The following SRPK2 variants were observed in gnomAD, a reference collection of about 807,000 sequenced individuals.
SRPK2 encodes the protein SFRS protein kinase 2.
A neutral mutation model predicts 90.8 loss-of-function variants in SRPK2; 21 were observed. That is an observed-to-expected ratio of 0.23 (90% CI 0.16 to 0.33). The LOEUF (loss-of-function observed/expected upper bound fraction) is 0.33, where lower values mean the gene tolerates loss of function less well. Among genes scored for constraint, SRPK2 ranks in the 10% least tolerant of loss-of-function variants. SRPK2 has a pLI of 1.00. For synonymous variants in SRPK2, 288 were observed against 311.1 expected (o/e 0.93, Z 0.78); for missense variants, 620 against 869.0 (o/e 0.71, Z 3.60).
At chr7:105,364,858 A>G (rs1238606661) in intron 2 of SRPK2, among the ~76,000 whole-genome samples, 1 of 152,134 alleles carries the variant, frequency 6.6e-6, no homozygotes, top group Non-Finnish European at 1.5e-5. Flanking sequence ...TTAAAAGGCA[A>G]TCTCTCACTG....
chr7:105,175,093 T>C (rs1482671535), intron 3 of SRPK2, among the ~76,000 whole-genome samples: 2 of 150,168 alleles, frequency 1.3e-5, no homozygotes, highest in Middle Eastern at 3.4e-3. Flanking sequence ...GGAGTCGAGA[T>C]CACACCACTG....
intron 2 of SRPK2, among the ~76,000 whole-genome samples, chr7:105,330,338 A>AAAAT (rs1033382890): frequency 5.3e-5 from 8 of 151,786 alleles, no homozygotes; most frequent in South Asian, 2.1e-4. Context: ...CTCTGTCTCA[A>AAAAT]AAATAAATAA....
At chr7:105,379,483 T>C (rs1329320748) in intron 2 of SRPK2, among the ~76,000 whole-genome samples, 1 of 152,152 alleles carries the variant, frequency 6.6e-6, no homozygotes, top group Non-Finnish European at 1.5e-5. Flanking sequence ...TATGATTTCA[T>C]TTATATGAAA....
intron 2 of SRPK2, among the ~76,000 whole-genome samples, chr7:105,344,052 C>T (rs970241144): frequency 2.0e-5 from 3 of 152,170 alleles, no homozygotes; most frequent in African/African-American, 7.2e-5. Flanking sequence ...GTGCGAGCGA[C>T]CACGCCTGGC....
At chr7:105,214,144 T>C (rs1797172192) in intron 2 of SRPK2, among the ~76,000 whole-genome samples, 1 of 152,232 alleles carries the variant, frequency 6.6e-6, no homozygotes, top group Admixed American at 6.5e-5. Context: ...GCAGTGCAGA[T>C]ATAGAACATT....
At chr7:105,384,849 C>G (rs1171311035) in intron 2 of SRPK2, among the ~76,000 whole-genome samples, 1 of 152,012 alleles carries the variant, frequency 6.6e-6, no homozygotes, top group Non-Finnish European at 1.5e-5. Flanking sequence ...ACTACTACCC[C>G]CATCCCCACA....
intron 2 of SRPK2, among the ~76,000 whole-genome samples, chr7:105,374,169 T>C (rs985965223): frequency 3.9e-5 from 6 of 151,906 alleles, no homozygotes; most frequent in South Asian, 4.2e-4. Flanking sequence ...TCAAGTGATC[T>C]GCCCACCTTG....
intron 2 of SRPK2, among the ~76,000 whole-genome samples, chr7:105,235,043 G>A (rs774290562): frequency 1.3e-5 from 2 of 151,022 alleles, no homozygotes; most frequent in Non-Finnish European, 2.9e-5. Flanking sequence ...TAGTGTTAGC[G>A]TATCTTATGT....
Position 105,328,561 on chromosome 7 carries a change from CA to C in SRPK2, c.71+60086del, listed in dbSNP as rs1192103331. ...TCAGTGACAGAGCCAGGCTCTGTCT[CA>C]AAAAAAAAAAAAAAAAAAAAGGCCA... On this transcript the variant is annotated intron_variant, in intron 2 of 15. Coordinates refer to ENST00000393651, the MANE Select transcript of SRPK2 (RefSeq NM_182692.3). Among the ~76,000 whole-genome samples the C allele has an allele frequency of 4.4e-3, 210 of 47,208 alleles. 1 individual carries two copies. The highest frequency in any genetic ancestry group is 0.014 in the African/African-American group (135 of 9,854). The allele number at this position is 47,208 out of a possible 152,430, so 31.0% of individuals were successfully genotyped here.
At chr7:105,164,688 T>C (rs1018217377) in intron 6 of SRPK2, among the ~76,000 whole-genome samples, 4 of 152,224 alleles carry the variant, frequency 2.6e-5, no homozygotes, top group Non-Finnish European at 5.9e-5. Flanking sequence ...TGACATTCCC[T>C]TGTATAAAAA....
chr7:105,349,110 A>G (rs1435319264), intron 2 of SRPK2, among the ~76,000 whole-genome samples: 1 of 139,850 alleles, frequency 7.2e-6, no homozygotes, highest in Admixed American at 8.0e-5. Context: ...GCATCACTGC[A>G]CTCCAGCCTG....
upstream of SRPK2, among the ~76,000 whole-genome samples, chr7:105,391,501 G>A (rs929841817): frequency 8.5e-5 from 13 of 152,152 alleles, no homozygotes; most frequent in African/African-American, 2.4e-4. Context: ...CACTGCGCCC[G>A]GCTAAAAATT....
intron 2 of SRPK2, among the ~76,000 whole-genome samples, chr7:105,233,696 T>G (rs1178493899): frequency 6.6e-6 from 1 of 151,768 alleles, no homozygotes; most frequent in Non-Finnish European, 1.5e-5. Flanking sequence ...CTACTAAAAA[T>G]GCAAAGAAAA....
In SRPK2 at chr7:105,312,437, CAAAAAAAA is replaced by C. The variant is rs61348366; in HGVS notation, c.71+76203_71+76210del. 1.2e-4 allele frequency among the ~76,000 whole-genome samples: 10 copies of C among 84,862 alleles called. 1 individual carries two copies. The highest frequency in any genetic ancestry group is 4.8e-4 in the African/African-American group (10 of 20,726). 55.7% of individuals were successfully genotyped at this position (84,862 alleles called of 152,430 possible). A position where few individuals can be genotyped will look rare whatever the true frequency, so the allele number is the denominator to read the frequency against. On this transcript the variant is annotated intron_variant, in intron 2 of 15. Transcript: ENST00000393651. ...CCTAAGCAACAGAGTGAGACTCCGT[CAAAAAAAA>C]AAAAAAAAACAAGCGGGGGTAGATG...
chr7:105,378,494 G>A (rs1184694615), intron 2 of SRPK2, among the ~76,000 whole-genome samples: 2 of 152,090 alleles, frequency 1.3e-5, no homozygotes, highest in Non-Finnish European at 2.9e-5. Flanking sequence ...GCTGGGCCTG[G>A]TGGCTCACGC....
At chr7:105,206,720 A>T (rs1796274387) in intron 2 of SRPK2, among the ~76,000 whole-genome samples, 1 of 152,210 alleles carries the variant, frequency 6.6e-6, no homozygotes, top group Admixed American at 6.5e-5. Flanking sequence ...CCAGAAGTAT[A>T]AAATACATGT....
chr7:105,313,683 G>A (rs914275794), intron 2 of SRPK2, among the ~76,000 whole-genome samples: 10 of 150,858 alleles, frequency 6.6e-5, no homozygotes, highest in African/African-American at 9.8e-5. Context: ...CCAGGGAGGC[G>A]GAGGTTGCAG....
At chr7:105,253,463 A>G (rs1802769505) in intron 2 of SRPK2, among the ~76,000 whole-genome samples, 1 of 152,086 alleles carries the variant, frequency 6.6e-6, no homozygotes, top group Non-Finnish European at 1.5e-5. Context: ...AAATTCAAAG[A>G]CCTTTCTTTG....
rs576258577 is a variant in SRPK2, at chr7:105,202,819, A to G, written c.229+809T>C. Among the ~76,000 whole-genome samples, 8 of 152,356 alleles carry G rather than the reference A, an allele frequency of 5.3e-5. No homozygotes were observed. The South Asian group carries it at 8.3e-4, about 16-fold the overall frequency. On this transcript the variant is annotated intron_variant, in intron 3 of 15. Coordinates refer to ENST00000393651, the MANE Select transcript of SRPK2 (RefSeq NM_182692.3). ...ATGTGCATGCTTGCTTCCCACAGAC[A>G]ATAAACGCTATGTAATTCAATGCTA...
Sources: allele counts gnomAD v4.1 joint callset (sites outside exome capture counted in the v4.1 genomes callset), GRCh38; gene constraint gnomAD v4.1.1; transcripts MANE v1.5; gene names NCBI Gene and HGNC (gene_info 2026-07-23, HGNC 2026-07-21).